The following METAP1D variants were observed in gnomAD, a reference collection of about 807,000 sequenced individuals.
METAP1D encodes methionyl aminopeptidase type 1D, mitochondrial.
A neutral mutation model predicts 40.5 loss-of-function variants in METAP1D; 31 were observed. The ratio of observed to expected loss-of-function variants is 0.77; its 90% confidence interval spans 0.58 to 1.03. The LOEUF (loss-of-function observed/expected upper bound fraction) is 1.03. Ranked by LOEUF, METAP1D falls within the 50% of genes least tolerant of loss-of-function variation. The pLI is 0.00. For synonymous variants in METAP1D, 151 were observed against 146.4 expected (o/e 1.03, Z -0.22); for missense variants, 411 against 420.7 (o/e 0.98, Z 0.20).
chr2:172,077,949 T>C (rs549297261), intron 7 of METAP1D, 55 bp downstream of exon 7: 2 of 1,006,328 alleles, frequency 2.0e-6, no homozygotes, highest in South Asian at 2.7e-5. Context: ...ATGTGGCAGC[T>C]TTGACCCTGA....
chr2:172,062,308 G>A (rs1405237788), intron 2 of METAP1D, among the ~76,000 whole-genome samples: 1 of 152,168 alleles, frequency 6.6e-6, no homozygotes, highest in Non-Finnish European at 1.5e-5. Flanking sequence ...TTTGTTTACA[G>A]CGAGCCCATA....
chr2:172,079,275 C>T lies in METAP1D; in HGVS notation c.850+13C>T. 1 of 1,613,988 alleles carries T rather than the reference C, an allele frequency of 6.2e-7. No individual in the cohort carries two copies. Among genetic ancestry groups the T allele is most frequent in the Non-Finnish European group, 8.5e-7 (1 of 1,179,896 alleles). ...GCATTCACTATAGGTAAATTGAGCT[C>T]CTCTTCCGAGTGAGTGCGTAGCTCC... is the stretch of plus-strand genomic sequence containing the variant. On this transcript the variant is annotated intron_variant, in intron 8 of 9. Coordinates refer to ENST00000315796, the MANE Select transcript of METAP1D (RefSeq NM_199227.3).
intron 6 of METAP1D, among the ~76,000 whole-genome samples, chr2:172,077,349 T>G (rs1427324416): frequency 6.6e-6 from 1 of 152,270 alleles, no homozygotes. Context: ...CATATTTCTA[T>G]ATTGTAATTT....
rs193263928 is a variant in METAP1D, at chr2:172,000,069, C to A, written c.40+60C>A. 9.5e-6 allele frequency: 12 copies of A among 1,259,822 alleles called. No individual in the cohort carries two copies. The African/African-American group carries it at 1.4e-4, about 15-fold the overall frequency. The allele number at this position is 1,259,822 out of a possible 1,614,324, so 78.0% of individuals were successfully genotyped here. ...CACGGTTGCTCACTAGGTACGCACCCGGGTCCAAAGGGATGCGCACCCGCG... is the reference window on the plus strand; with the variant it reads ...CACGGTTGCTCACTAGGTACGCACCAGGGTCCAAAGGGATGCGCACCCGCG... On this transcript the variant is annotated intron_variant, in intron 1 of 9. Transcript: ENST00000315796.
chr2:172,067,279 A>G (rs903582217), intron 5 of METAP1D, among the ~76,000 whole-genome samples: 3 of 152,252 alleles, frequency 2.0e-5, no homozygotes, highest in Admixed American at 2.0e-4. Context: ...TAAGAATAGT[A>G]TCTAGACCAT....
At chr2:172,052,238 T>A (rs879693615) in intron 1 of METAP1D, among the ~76,000 whole-genome samples, 2 of 152,178 alleles carry the variant, frequency 1.3e-5, no homozygotes, top group Non-Finnish European at 2.9e-5. Flanking sequence ...TGCTGTTAAT[T>A]AGGCCAAAAA....
chr2:172,009,354 A>G (rs530237887), intron 1 of METAP1D, among the ~76,000 whole-genome samples: 8 of 151,856 alleles, frequency 5.3e-5, no homozygotes, highest in South Asian at 2.1e-4. Context: ...GGAATTTTCT[A>G]TTTAATATTT....
intron 5 of METAP1D, 104 bp from the exon 6 acceptor site, chr2:172,070,803 G>A (rs1472987821): frequency 5.8e-6 from 5 of 856,956 alleles, no homozygotes; most frequent in Non-Finnish European, 5.0e-6. Flanking sequence ...AATTCTGGAA[G>A]GGTAAAACAT....
In METAP1D at chr2:172,018,801, C is replaced by T. The variant is rs1688939963; in HGVS notation, c.40+18792C>T. 2.0e-5 allele frequency among the ~76,000 whole-genome samples: 3 copies of T among 151,938 alleles called. No homozygotes were observed. The South Asian group carries it at 6.2e-4, about 32-fold the overall frequency. The stretch of plus-strand genomic sequence containing the variant: ...CCTTTCTGCCCTCCTATTTATCTTC[C>T]AGAATGTAGGTAAATTTCACCAATT... On this transcript the variant is annotated intron_variant, in intron 1 of 9. Coordinates refer to ENST00000315796, the MANE Select transcript of METAP1D (RefSeq NM_199227.3).
At chr2:172,009,141 C>T (rs1371335557) in intron 1 of METAP1D, among the ~76,000 whole-genome samples, 3 of 152,070 alleles carry the variant, frequency 2.0e-5, no homozygotes, top group East Asian at 1.9e-4. Flanking sequence ...CCCGGGTTCC[C>T]GCCATTCTCC....
intron 3 of METAP1D, 84 bp from the exon 4 acceptor site, chr2:172,065,520 G>C: frequency 7.6e-7 from 1 of 1,321,372 alleles, no homozygotes; most frequent in South Asian, 1.3e-5. Flanking sequence ...GTCTCACATG[G>C]AAGTACTGTT....
At chr2:172,068,348 C>T (rs755377612) in intron 5 of METAP1D, among the ~76,000 whole-genome samples, 3 of 151,826 alleles carry the variant, frequency 2.0e-5, no homozygotes, top group South Asian at 2.1e-4. Context: ...GAGCTGAGAT[C>T]GCGCCCCTGC....
chr2:172,054,443 C>T (rs1330480189), intron 1 of METAP1D, among the ~76,000 whole-genome samples: 4 of 151,902 alleles, frequency 2.6e-5, no homozygotes, highest in African/African-American at 7.3e-5. Context: ...GACTTGAACC[C>T]GGGAGGCAGA....
intron 7 of METAP1D, 92 bp downstream of exon 7, chr2:172,077,986 A>T (rs1053347932): frequency 3.4e-5 from 15 of 445,628 alleles, no homozygotes; most frequent in Non-Finnish European, 5.6e-5. Context: ...TTGAATCTGC[A>T]TTATCAACCT....
chr2:172,055,988 T>C (rs1689994183), intron 1 of METAP1D, among the ~76,000 whole-genome samples: 1 of 152,322 alleles, frequency 6.6e-6, no homozygotes, highest in East Asian at 1.9e-4. Context: ...CATCCAGATA[T>C]CTAGTGGAGG....
At chr2:172,054,126 T>C (rs538932298) in intron 1 of METAP1D, among the ~76,000 whole-genome samples, 90 of 152,310 alleles carry the variant, frequency 5.9e-4, no homozygotes, top group Non-Finnish European at 1.0e-3. Context: ...CATTTCATTA[T>C]GTGGTATAGG....
chr2:172,034,731 A>C (rs1190368570), intron 1 of METAP1D, among the ~76,000 whole-genome samples: 1 of 152,138 alleles, frequency 6.6e-6, no homozygotes, highest in East Asian at 1.9e-4. Context: ...TTTATCAATT[A>C]GTTTGTAGTA....
At chr2:172,036,121 T>G (rs141524887) in intron 1 of METAP1D, among the ~76,000 whole-genome samples, 4,384 of 151,600 alleles carry the variant, frequency 0.029, 208 homozygotes, top group African/African-American at 0.096. Flanking sequence ...ATCAAGACCA[T>G]CCTGGCTAAC....
chr2:172,077,617 A>C (rs893524093), intron 6 of METAP1D, among the ~76,000 whole-genome samples, 180 bp from the exon 7 acceptor site: 2 of 152,250 alleles, frequency 1.3e-5, no homozygotes, highest in African/African-American at 4.8e-5. Context: ...CAGTGGTTGC[A>C]GGCAACAGCA....
Sources: allele counts gnomAD v4.1 joint callset (sites outside exome capture counted in the v4.1 genomes callset), GRCh38; gene constraint gnomAD v4.1.1; transcripts MANE v1.5; gene names NCBI Gene and HGNC (gene_info 2026-07-23, HGNC 2026-07-21).